The following POU2F1 variants were observed in gnomAD, a reference collection of about 807,000 sequenced individuals.
POU2F1 encodes POU domain, class 2, transcription factor 1.
Under a neutral mutation model 84.9 loss-of-function variants are expected in POU2F1, and 16 were observed. The ratio of observed to expected loss-of-function variants is 0.19; its 90% confidence interval spans 0.13 to 0.29. POU2F1 has a LOEUF of 0.29. Among genes scored for constraint, POU2F1 ranks in the 10% least tolerant of loss-of-function variants. POU2F1 has a pLI of 1.00. For synonymous variants in POU2F1, 368 were observed against 368.3 expected (o/e 1.00, Z 0.01); for missense variants, 738 against 942.6 (o/e 0.78, Z 2.84).
At chr1:167,357,660 T>A (rs1411750322) in intron 2 of POU2F1, 2 of 151,604 alleles carry the variant, frequency 1.3e-5, no homozygotes, top group Non-Finnish European at 2.9e-5. Flanking sequence ...ATTACAGGTG[T>A]GAGCCAGCAC....
At chr1:167,404,331 G>A (rs1312622749) in intron 13 of POU2F1, among the ~76,000 whole-genome samples, 1 of 151,986 alleles carries the variant, frequency 6.6e-6, no homozygotes, top group African/African-American at 2.4e-5. Context: ...GCCTGTAAGG[G>A]TTTTTCCTGA....
At chr1:167,356,989 TA>T (rs1658981424) in intron 2 of POU2F1, among the ~76,000 whole-genome samples, 1 of 152,216 alleles carries the variant, frequency 6.6e-6, no homozygotes, top group African/African-American at 2.4e-5. Flanking sequence ...TTTTGTCTCT[TA>T]ATGCACATGC....
intron 2 of POU2F1, among the ~76,000 whole-genome samples, chr1:167,340,431 CTTTTTTTT>C (rs761386225): frequency 1.1e-4 from 13 of 122,324 alleles, no homozygotes; most frequent in African/African-American, 3.5e-4. Context: ...TTCTTTTTTT[CTTTTTTTT>C]TTTTTTTTTG....
chr1:167,308,003 G>A (rs1054686669), intron 1 of POU2F1, among the ~76,000 whole-genome samples: 1 of 152,030 alleles, frequency 6.6e-6, no homozygotes. Context: ...TCTTTGACAG[G>A]AGTGTCATAG....
At chr1:167,345,050 CA>C (rs1478286847) in intron 2 of POU2F1, among the ~76,000 whole-genome samples, 3 of 152,040 alleles carry the variant, frequency 2.0e-5, no homozygotes, top group Non-Finnish European at 2.9e-5. Context: ...CATCACATAC[CA>C]GGGGTGAGGG....
At chr1:167,221,993 C>G (rs917169177) in intron 1 of POU2F1, among the ~76,000 whole-genome samples, 17 of 152,074 alleles carry the variant, frequency 1.1e-4, no homozygotes, top group Admixed American at 5.2e-4. Context: ...GTCTGACCTC[C>G]GTCTCCCTTT....
chr1:167,413,188 TGC>T (rs1491302178), intron 15 of POU2F1, 74 bp downstream of exon 15: 1 of 1,203,198 alleles, frequency 8.3e-7, no homozygotes, highest in Non-Finnish European at 1.2e-6. Flanking sequence ...TGTGTGTGTG[TGC>T]TTGAGACAGA....
In POU2F1 at chr1:167,375,959, T is replaced by C; in HGVS notation, c.592-70T>C. On this transcript the variant is annotated intron_variant, in intron 6 of 15. Coordinates refer to ENST00000367866, the MANE Select transcript of POU2F1 (RefSeq NM_002697.4). Reference sequence around the variant, plus strand: ...TTTGGATGTGACAGAAGTCATCAGCTGGAAGCCTTATAATTAAGCGAACTT... The same window carrying C: ...TTTGGATGTGACAGAAGTCATCAGCCGGAAGCCTTATAATTAAGCGAACTT... The C allele has an allele frequency of 3.2e-6, 5 of 1,554,608 alleles. No individual in the cohort carries two copies. The South Asian group carries it at 4.5e-5, about 14-fold the overall frequency.
intron 14 of POU2F1, 30 bp downstream of exon 14, chr1:167,412,334 T>G (rs996376044): frequency 6.7e-7 from 1 of 1,492,870 alleles, no homozygotes; most frequent in Admixed American, 2.1e-5. Context: ...CATTCACGTC[T>G]GAGGTGGAGG....
chr1:167,375,995 A>G lies in POU2F1; in HGVS notation c.592-34A>G, dbSNP rs947766541. On this transcript the variant is annotated intron_variant, in intron 6 of 15. Transcript: ENST00000367866. ...TAATTAAGCGAACTTTTATTTCAGA[A>G]TCTCCAATCCATGTTTTAATTCCAA... The G allele has an allele frequency of 2.5e-6, 4 of 1,612,044 alleles. No individual in the cohort carries two copies. In the African/African-American group the frequency reaches 5.3e-5, roughly 22 times the overall value.
intron 1 of POU2F1, among the ~76,000 whole-genome samples, chr1:167,292,823 C>T (rs1325501345): frequency 6.6e-6 from 1 of 152,164 alleles, no homozygotes; most frequent in African/African-American, 2.4e-5. Context: ...AAGTAGGTCT[C>T]ATCCCAGGGA....
chr1:167,355,445 G>A (rs1018066469), intron 2 of POU2F1, among the ~76,000 whole-genome samples: 4 of 151,888 alleles, frequency 2.6e-5, no homozygotes, highest in East Asian at 1.9e-4. Flanking sequence ...GATAATCCAC[G>A]TCTCCATGTT....
chr1:167,412,244 C>T lies in POU2F1; in HGVS notation c.1841C>T (p.Ala614Val). The change falls in exon 14 of 16, where the codon GCC (alanine) becomes GTC (valine). Residue 614 changes from alanine (A) to valine (V), a missense_variant. Around this residue, in one of 4 missense-constraint regions of POU2F1, gnomAD observed 319 missense variants for 386.0 expected, o/e 0.83. Transcript: ENST00000367866. ...TTGCCAGCAAATGCCAGTCTTGCTG[C>T]CATGGCAGCTGCTGCAGGACTAAAC... ...AQLPANASLA[A>V]MAAAAGLNPS... 2.5e-6 allele frequency: 4 copies of T among 1,597,890 alleles called. No individual in the cohort carries two copies. Among genetic ancestry groups the T allele is most frequent in the Non-Finnish European group, 3.4e-6 (4 of 1,171,776 alleles).
intron 1 of POU2F1, among the ~76,000 whole-genome samples, chr1:167,258,339 C>G (rs758164765): frequency 6.6e-6 from 1 of 152,122 alleles, no homozygotes; most frequent in Non-Finnish European, 1.5e-5. Context: ...ATATTTCTTC[C>G]CCTTCTGAAT....
At position 167,379,359 on chromosome 1, in the gene POU2F1, G is replaced by A. The variant is rs374028607; in HGVS notation, c.718+3204G>A. On this transcript the variant is annotated intron_variant, in intron 7 of 15. Coordinates refer to ENST00000367866, the MANE Select transcript of POU2F1 (RefSeq NM_002697.4). The stretch of plus-strand genomic sequence containing the variant: ...CAAGTTTTTATTTAATAAAGTTCAT[G>A]TTGAAACTTGGGTAGGGAAAATTGG... 2.6e-5 allele frequency: 4 copies of A among 152,336 alleles called. 1 individual carries two copies. In the South Asian group the frequency reaches 8.3e-4, roughly 32 times the overall value. The allele number at this position is 152,336 out of a possible 1,614,324, so 9.4% of individuals were successfully genotyped here. A position where few individuals can be genotyped will look rare whatever the true frequency, so the allele number is the denominator to read the frequency against.
In POU2F1 at chr1:167,286,157, T is replaced by G. The variant is rs573185398; in HGVS notation, c.62-46313T>G. On this transcript the variant is annotated intron_variant, in intron 1 of 15. Transcript: ENST00000367866. ...TTAACTGGGGGTGATATAGTCAGTT[T>G]CATTCAGCTTTTTAATATATATGCC... 1.5e-3 allele frequency among the ~76,000 whole-genome samples: 222 copies of G among 152,336 alleles called. 1 individual carries two copies. The highest frequency in any genetic ancestry group is 2.5e-3 in the South Asian group (12 of 4,824).
intron 2 of POU2F1, among the ~76,000 whole-genome samples, chr1:167,364,296 C>T (rs1351774837): frequency 6.6e-6 from 1 of 151,668 alleles, no homozygotes; most frequent in East Asian, 2.0e-4. Flanking sequence ...TTTGGGAGGC[C>T]GAGGCGGGCG....
chr1:167,293,327 C>T (rs1296506211), intron 1 of POU2F1, among the ~76,000 whole-genome samples: 1 of 152,286 alleles, frequency 6.6e-6, no homozygotes, highest in Admixed American at 6.5e-5. Context: ...CACTGCTGTA[C>T]ACCAATGACC....
intron 1 of POU2F1, among the ~76,000 whole-genome samples, chr1:167,236,242 A>C (rs1649443188): frequency 6.6e-6 from 1 of 151,762 alleles, no homozygotes; most frequent in African/African-American, 2.4e-5. Context: ...AGCTGGGATT[A>C]CAGGCGCCTG....
Sources: gnomAD v4.1 joint callset for allele counts (sites outside exome capture counted in the v4.1 genomes callset) on GRCh38, gnomAD v4.1.1 for gene constraint, gnomAD v4.1.1 regional missense constraint, MANE v1.5 for transcripts, NCBI Gene and HGNC (gene_info 2026-07-23, HGNC 2026-07-21) for gene names.